Variants in CADPS observed in about 807,000 individuals in gnomAD.
CADPS encodes the protein calcium dependent secretion activator.
In CADPS, 57 loss-of-function variants were observed where a neutral mutation model predicts 167.3. The observed-to-expected ratio is 0.34, with a 90% CI of 0.28 to 0.42. CADPS has a LOEUF of 0.42. Among genes scored for constraint, CADPS ranks in the 20% least tolerant of loss-of-function variants. The pLI is 1.00. For missense variants in CADPS, 1,414 were observed against 1,738.1 expected, an observed-to-expected ratio of 0.81 and a Z score of 3.32; for synonymous variants, 676 against 635.3, an observed-to-expected ratio of 1.06 and a Z score of -0.96.
At chr3:62,584,008 T>C (rs1045573545) in intron 8 of CADPS, among the ~76,000 whole-genome samples, 4 of 144,576 alleles carry the variant, frequency 2.8e-5, no homozygotes, top group Non-Finnish European at 4.6e-5. Flanking sequence ...CAATCCTCTT[T>C]TTTTTTTTTT....
chr3:62,867,072 A>G (rs527497724), intron 1 of CADPS, among the ~76,000 whole-genome samples: 1 of 152,230 alleles, frequency 6.6e-6, no homozygotes, highest in East Asian at 1.9e-4. Context: ...TTTACTCTCT[A>G]CACAAACATA....
chr3:62,638,416 A>G (rs116742727), intron 6 of CADPS, among the ~76,000 whole-genome samples: 1 of 152,164 alleles, frequency 6.6e-6, no homozygotes, highest in Non-Finnish European at 1.5e-5. Flanking sequence ...GAAATGTATT[A>G]AATTTGATTT....
intron 6 of CADPS, among the ~76,000 whole-genome samples, chr3:62,592,991 G>C (rs2086395820): frequency 6.6e-6 from 1 of 152,210 alleles, no homozygotes; most frequent in Non-Finnish European, 1.5e-5. Context: ...GGAATGACTT[G>C]AAATTAGCAT....
chr3:62,584,653 T>G (rs1318226622), intron 8 of CADPS, among the ~76,000 whole-genome samples: 4 of 152,232 alleles, frequency 2.6e-5, no homozygotes, highest in Non-Finnish European at 4.4e-5. Context: ...TACTTGAAAT[T>G]AATTGGTCAT....
chr3:62,662,795 G>A (rs2073581103), intron 3 of CADPS, among the ~76,000 whole-genome samples: 1 of 152,152 alleles, frequency 6.6e-6, no homozygotes, highest in Non-Finnish European at 1.5e-5. Context: ...TATCCCCAGT[G>A]CACACATGGC....
At chr3:62,452,401 T>G (rs2150104139) in intron 26 of CADPS, among the ~76,000 whole-genome samples, 1 of 152,330 alleles carries the variant, frequency 6.6e-6, no homozygotes, top group South Asian at 2.1e-4. Context: ...TTGAGAGTAC[T>G]TGAGAGCTAC....
intron 6 of CADPS, among the ~76,000 whole-genome samples, chr3:62,644,847 T>C (rs1378074999): frequency 6.6e-6 from 1 of 152,174 alleles, no homozygotes; most frequent in Non-Finnish European, 1.5e-5. Flanking sequence ...CCTCCCACTA[T>C]CTCCTCTCAA....
At chr3:62,820,162 C>A (rs557110758) in intron 1 of CADPS, among the ~76,000 whole-genome samples, 1 of 152,240 alleles carries the variant, frequency 6.6e-6, no homozygotes, top group South Asian at 2.1e-4. Flanking sequence ...AATTTCAACC[C>A]CAGGGGTATA....
intron 3 of CADPS, among the ~76,000 whole-genome samples, chr3:62,694,583 T>C (rs912150540): frequency 2.6e-5 from 4 of 152,034 alleles, no homozygotes; most frequent in Admixed American, 6.6e-5. Context: ...TGGAAATGAA[T>C]TTGCCTTCTT....
chr3:62,542,713 G>T (rs1046042586), intron 11 of CADPS, among the ~76,000 whole-genome samples: 13 of 152,148 alleles, frequency 8.5e-5, no homozygotes, highest in Non-Finnish European at 1.3e-4. Context: ...ATTGCATCAT[G>T]CAGAAATCTT....
At chr3:62,572,625 C>T (rs1406653730) in intron 8 of CADPS, among the ~76,000 whole-genome samples, 1 of 152,130 alleles carries the variant, frequency 6.6e-6, no homozygotes, top group Non-Finnish European at 1.5e-5. Flanking sequence ...ATTTACTTGA[C>T]ATTTTTCTTT....
intron 5 of CADPS, among the ~76,000 whole-genome samples, chr3:62,649,524 G>A (rs954141210): frequency 5.4e-4 from 73 of 135,610 alleles, no homozygotes; most frequent in Non-Finnish European, 1.2e-4. Flanking sequence ...TATATCAAGG[G>A]AATCATACAA....
intron 1 of CADPS, among the ~76,000 whole-genome samples, chr3:62,851,004 A>T (rs1378301690): frequency 1.4e-5 from 2 of 142,788 alleles, no homozygotes; most frequent in African/African-American, 5.2e-5. Flanking sequence ...CCTCTTGTTG[A>T]ATTGATCCCT....
chr3:62,871,030 A>C (rs2153223462), intron 1 of CADPS, among the ~76,000 whole-genome samples: 1 of 152,230 alleles, frequency 6.6e-6, no homozygotes, highest in East Asian at 1.9e-4. Flanking sequence ...GTCATAAATT[A>C]TTTCGCCATG....
chr3:62,557,363 T>C (rs2078342325), intron 10 of CADPS, 42 bp downstream of exon 10: 1 of 1,344,504 alleles, frequency 7.4e-7, no homozygotes. Flanking sequence ...TTTGGGAAGG[T>C]TGAGGGTTTG....
At chr3:62,624,240 G>A (rs961594073) in intron 6 of CADPS, among the ~76,000 whole-genome samples, 1 of 152,064 alleles carries the variant, frequency 6.6e-6, no homozygotes, top group Non-Finnish European at 1.5e-5. Flanking sequence ...GTCCTTGAAG[G>A]AATGATGGGG....
intron 3 of CADPS, among the ~76,000 whole-genome samples, chr3:62,749,890 C>A (rs1386738102): frequency 1.3e-5 from 2 of 152,212 alleles, no homozygotes; most frequent in African/African-American, 4.8e-5. Flanking sequence ...TCTACTGCCA[C>A]CGTGTCTTCT....
At chr3:62,633,221 A>G (rs2065638220) in intron 6 of CADPS, among the ~76,000 whole-genome samples, 1 of 152,096 alleles carries the variant, frequency 6.6e-6, no homozygotes, top group Admixed American at 6.6e-5. Flanking sequence ...ATGTGTCTTG[A>G]ACCTGTCCCT....
intron 5 of CADPS, among the ~76,000 whole-genome samples, chr3:62,649,103 A>T (rs1298242041): frequency 6.6e-6 from 1 of 152,204 alleles, no homozygotes; most frequent in South Asian, 2.1e-4. Context: ...ACATATTCTA[A>T]TCAACTGCAC....
Sources: gnomAD v4.1 joint callset for allele counts (sites outside exome capture counted in the v4.1 genomes callset) on GRCh38, gnomAD v4.1.1 for gene constraint, MANE v1.5 for transcripts, NCBI Gene and HGNC (gene_info 2026-07-23, HGNC 2026-07-21) for gene names.